DLG2: variants seen among roughly 807,000 people sequenced by gnomAD.
DLG2 encodes the protein disks large homolog 2.
DLG2 carries 45 observed loss-of-function variants against 132.5 expected under a neutral mutation model. The observed-to-expected ratio is 0.34, with a 90% CI of 0.27 to 0.44. The LOEUF is 0.44. DLG2 is among the 20% of genes least tolerant of loss of function. The probability of loss-of-function intolerance (pLI) is 1.00; values close to 1 mark genes in which losing one functional copy is unlikely to be tolerated. For missense variants in DLG2, 1,045 were observed against 1,196.9 expected (o/e 0.87, Z 1.87); for synonymous variants, 424 against 419.6 (o/e 1.01, Z -0.13).
At chr11:83,639,682 C>T (rs1294436273) in intron 18 of DLG2, among the ~76,000 whole-genome samples, 4 of 150,962 alleles carry the variant, frequency 2.6e-5, no homozygotes, top group Admixed American at 2.0e-4. Context: ...GGGTGCAGCA[C>T]ACCAACATGG....
chr11:83,972,611 G>A (rs1489306886), intron 12 of DLG2, among the ~76,000 whole-genome samples: 1 of 152,034 alleles, frequency 6.6e-6, no homozygotes, highest in Non-Finnish European at 1.5e-5. Flanking sequence ...TAAATAGTTG[G>A]CACTTAATAA....
intron 12 of DLG2, among the ~76,000 whole-genome samples, chr11:83,965,681 T>C (rs2090011353): frequency 6.6e-6 from 1 of 151,896 alleles, no homozygotes; most frequent in Non-Finnish European, 1.5e-5. Flanking sequence ...AATGAGGAAG[T>C]GATATACAGT....
chr11:84,545,515 A>G (rs967360274), intron 6 of DLG2: 3 of 400,752 alleles, frequency 7.5e-6, no homozygotes, highest in East Asian at 1.2e-4. Context: ...CTTTGGCTCA[A>G]TGAAGCACTA....
intron 4 of DLG2, among the ~76,000 whole-genome samples, chr11:85,157,314 T>C (rs1566947361): frequency 6.6e-6 from 1 of 152,182 alleles, no homozygotes; most frequent in Non-Finnish European, 1.5e-5. Flanking sequence ...ATATTAAGGA[T>C]GAAGTCCTTT....
intron 8 of DLG2, among the ~76,000 whole-genome samples, chr11:84,220,271 C>A (rs2096894850): frequency 1.3e-5 from 2 of 152,280 alleles, no homozygotes; most frequent in South Asian, 4.1e-4. Context: ...TGGTACTAGA[C>A]CACAGATTAC....
chr11:83,748,721 T>C (rs1400938826), intron 18 of DLG2, among the ~76,000 whole-genome samples: 2 of 152,222 alleles, frequency 1.3e-5, no homozygotes, highest in Non-Finnish European at 2.9e-5. Context: ...CTTTGTCCAT[T>C]AGTATATAGT....
chr11:84,225,386 T>G (rs1484213792), intron 8 of DLG2, among the ~76,000 whole-genome samples: 2 of 152,226 alleles, frequency 1.3e-5, no homozygotes, highest in Non-Finnish European at 2.9e-5. Context: ...GGGAAGTTGG[T>G]CACAGTTTCT....
At chr11:83,871,244 T>C (rs538896354) in intron 16 of DLG2, among the ~76,000 whole-genome samples, 1 of 152,336 alleles carries the variant, frequency 6.6e-6, no homozygotes, top group South Asian at 2.1e-4. Flanking sequence ...CTAATAGGGA[T>C]ATTATTCTTC....
chr11:85,479,922 A>G, intron 3 of DLG2, among the ~76,000 whole-genome samples: 1 of 152,076 alleles, frequency 6.6e-6, no homozygotes, highest in Non-Finnish European at 1.5e-5. Context: ...TACCAATCAT[A>G]CTGGATTGTG....
At chr11:84,584,741 T>C (rs1413333263) in intron 6 of DLG2, among the ~76,000 whole-genome samples, 2 of 122,874 alleles carry the variant, frequency 1.6e-5, no homozygotes, top group Non-Finnish European at 3.2e-5. Context: ...CAGGCTGGAG[T>C]GCAGTGGCGG....
intron 6 of DLG2, among the ~76,000 whole-genome samples, chr11:85,099,906 C>G (rs2070588292): frequency 6.6e-6 from 1 of 152,112 alleles, no homozygotes; most frequent in Non-Finnish European, 1.5e-5. Flanking sequence ...ACTCCATAAC[C>G]AAACCAATCA....
intron 9 of DLG2, among the ~76,000 whole-genome samples, chr11:84,140,788 T>A (rs2094809545): frequency 6.6e-6 from 1 of 152,158 alleles, no homozygotes; most frequent in Admixed American, 6.6e-5. Flanking sequence ...GTTTTCCTTT[T>A]GATAGGTGGG....
intron 3 of DLG2, among the ~76,000 whole-genome samples, chr11:85,373,808 C>T (rs2085180652): frequency 1.3e-5 from 2 of 152,146 alleles, no homozygotes; most frequent in Admixed American, 6.6e-5. Flanking sequence ...ACAAGAACCA[C>T]GTCTTTAGCT....
At chr11:83,781,686 G>T (rs2094835065) in intron 18 of DLG2, among the ~76,000 whole-genome samples, 1 of 152,122 alleles carries the variant, frequency 6.6e-6, no homozygotes, top group Non-Finnish European at 1.5e-5. Flanking sequence ...TCATATTCAA[G>T]GCAAAAGAAT....
chr11:84,258,339 C>T (rs965624555), intron 7 of DLG2, among the ~76,000 whole-genome samples: 1 of 152,078 alleles, frequency 6.6e-6, no homozygotes, highest in African/African-American at 2.4e-5. Context: ...CTTAAGGAAC[C>T]TTTAATTACA....
intron 15 of DLG2, among the ~76,000 whole-genome samples, chr11:83,925,434 G>C (rs2078795446): frequency 6.6e-6 from 1 of 152,094 alleles, no homozygotes; most frequent in African/African-American, 2.4e-5. Context: ...CAGCTACCTA[G>C]AGATTAGGTA....
chr11:84,267,826 C>T (rs898892688), intron 7 of DLG2, among the ~76,000 whole-genome samples: 2 of 152,184 alleles, frequency 1.3e-5, no homozygotes, highest in African/African-American at 4.8e-5. Flanking sequence ...CAATTCTAGG[C>T]ACCATTGTCA....
chr11:84,252,559 T>C lies in DLG2; in HGVS notation c.520-1268A>G, dbSNP rs141507053. ...AACTTTCTTTTTTTTAAAAAAATTG[T>C]ACGATTTGCAGTAATTCTCTTTAAA... On this transcript the variant is annotated intron_variant, in intron 7 of 27. Coordinates refer to ENST00000376104, the MANE Select transcript of DLG2 (RefSeq NM_001142699.3). Among the ~76,000 whole-genome samples, 109 of 152,298 alleles carry C rather than the reference T, an allele frequency of 7.2e-4. 5 individuals are homozygous for C. Among genetic ancestry groups the C allele is most frequent in the African/African-American group, 2.5e-3 (104 of 41,560 alleles).
intron 3 of DLG2, among the ~76,000 whole-genome samples, chr11:85,421,735 TTTTTTG>T (rs1565467647): frequency 6.6e-6 from 1 of 152,068 alleles, no homozygotes; most frequent in Non-Finnish European, 1.5e-5. Context: ...TGGTTTTTTG[TTTTTTG>T]TTTTTGTTTT....
Sources: gnomAD v4.1 joint callset for allele counts (sites outside exome capture counted in the v4.1 genomes callset) on GRCh38, gnomAD v4.1.1 for gene constraint, MANE v1.5 for transcripts, NCBI Gene and HGNC (gene_info 2026-07-23, HGNC 2026-07-21) for gene names.